Variants in ANKRD62 observed in about 807,000 individuals in gnomAD.
ANKRD62 encodes ankyrin repeat domain-containing protein 62.
A neutral mutation model predicts 98.8 loss-of-function variants in ANKRD62; 61 were observed. That is an observed-to-expected ratio of 0.62 (90% CI 0.50 to 0.76). ANKRD62 has a LOEUF of 0.76. Among genes scored for constraint, ANKRD62 ranks in the 30% least tolerant of loss-of-function variants. The pLI is 0.00. For missense variants in ANKRD62, 933 were observed against 1,082.9 expected (o/e 0.86, Z 1.94); for synonymous variants, 341 against 367.9 (o/e 0.93, Z 0.84).
chr18:12,111,606 G>A (rs529009474), intron 8 of ANKRD62, among the ~76,000 whole-genome samples: 1 of 152,270 alleles, frequency 6.6e-6, no homozygotes, highest in Admixed American at 6.5e-5. Flanking sequence ...TAGGAAGAGA[G>A]GAAGTCAAAC....
the ANKRD62 span, among the ~76,000 whole-genome samples, chr18:12,162,827 G>C: frequency 6.6e-6 from 1 of 151,978 alleles, no homozygotes; most frequent in African/African-American, 2.4e-5. Flanking sequence ...GTTTACTGTA[G>C]GTGTGTAGAT....
At chr18:12,109,063 T>G (rs1025098955) in intron 8 of ANKRD62, among the ~76,000 whole-genome samples, 6 of 152,200 alleles carry the variant, frequency 3.9e-5, no homozygotes, top group African/African-American at 1.4e-4. Flanking sequence ...GATCTACCTT[T>G]CTGGGGTCTG....
At chr18:12,123,124 C>T (rs1196771758) in intron 11 of ANKRD62, among the ~76,000 whole-genome samples, 3 of 152,172 alleles carry the variant, frequency 2.0e-5, no homozygotes, top group Non-Finnish European at 4.4e-5. Context: ...TCTCGGCTCA[C>T]TGCAGCCTCT....
In ANKRD62 at chr18:12,107,470, A is replaced by G; in HGVS notation, c.1064+3A>G. On this transcript the variant is annotated splice_donor_region_variant and intron_variant, in intron 8 of 13. Transcript: ENST00000587848. ...AAGGAGAATGGCGAGTTTGATAGGTAATCCTGTAGCGATAGTTAACAGCGG... is the reference window on the plus strand; with the variant it reads ...AAGGAGAATGGCGAGTTTGATAGGTGATCCTGTAGCGATAGTTAACAGCGG... 1 of 1,488,712 alleles carries G rather than the reference A, an allele frequency of 6.7e-7. No homozygotes were observed. Among genetic ancestry groups the G allele is most frequent in the Non-Finnish European group, 8.9e-7 (1 of 1,125,002 alleles). The allele number at this position is 1,488,712 out of a possible 1,614,324, so 92.2% of individuals were successfully genotyped here.
intron 5 of ANKRD62, among the ~76,000 whole-genome samples, chr18:12,098,238 C>G (rs1317994919): frequency 6.6e-6 from 1 of 152,172 alleles, no homozygotes; most frequent in Non-Finnish European, 1.5e-5. Flanking sequence ...CTCGAGTGAT[C>G]TGTTTTCCAT....
chr18:12,158,619 G>A, the ANKRD62 span, among the ~76,000 whole-genome samples: 4 of 151,650 alleles, frequency 2.6e-5, no homozygotes, highest in East Asian at 1.9e-4. Context: ...TCTGCCTCCC[G>A]GGTTCACGCC....
At chr18:12,100,529 T>C (rs4461146) in intron 6 of ANKRD62, among the ~76,000 whole-genome samples, 114,558 of 152,050 alleles carry the variant, frequency 0.75, 44,564 homozygotes, top group Middle Eastern at 0.92. Flanking sequence ...TTGTGTCACT[T>C]AAAAAGTAAC....
At chr18:12,101,590 A>C (rs1568058971) in intron 6 of ANKRD62, among the ~76,000 whole-genome samples, 2 of 152,230 alleles carry the variant, frequency 1.3e-5, no homozygotes, top group Admixed American at 1.3e-4. Flanking sequence ...CGATGTTTTT[A>C]TTCATGAATT....
At chr18:12,136,718 G>C in the ANKRD62 span, among the ~76,000 whole-genome samples, 7 of 152,046 alleles carry the variant, frequency 4.6e-5, no homozygotes, top group Admixed American at 6.6e-5. Flanking sequence ...CTTTTATTTC[G>C]TTGAGCAGTG....
chr18:12,103,560 T>C (rs1909353020), intron 7 of ANKRD62, among the ~76,000 whole-genome samples: 1 of 152,156 alleles, frequency 6.6e-6, no homozygotes, highest in Non-Finnish European at 1.5e-5. Context: ...TGGTGGCTGC[T>C]GATTTGGATT....
At chr18:12,122,544 T>C in intron 11 of ANKRD62, 28 bp downstream of exon 11, 3 of 1,481,536 alleles carry the variant, frequency 2.0e-6, no homozygotes, top group Non-Finnish European at 2.7e-6. Flanking sequence ...TAAAGAAATA[T>C]TTCAACTATT....
At chr18:12,151,590 C>T in the ANKRD62 span, among the ~76,000 whole-genome samples, 1 of 152,068 alleles carries the variant, frequency 6.6e-6, no homozygotes, top group African/African-American at 2.4e-5. Flanking sequence ...TCTTGAACCA[C>T]AACACAATAA....
chr18:12,103,849 A>G (rs1010435858), intron 7 of ANKRD62, among the ~76,000 whole-genome samples: 2 of 152,112 alleles, frequency 1.3e-5, no homozygotes, highest in Non-Finnish European at 2.9e-5. Flanking sequence ...TTTAAAATCA[A>G]CTGTCATTTG....
At chr18:12,119,063 T>TTTA (rs1403873607) in intron 10 of ANKRD62, among the ~76,000 whole-genome samples, 2 of 152,206 alleles carry the variant, frequency 1.3e-5, no homozygotes, top group Admixed American at 6.5e-5. Context: ...AAGTTTATTT[T>TTTA]TTATATTTAG....
intron 7 of ANKRD62, among the ~76,000 whole-genome samples, chr18:12,104,293 G>A (rs1025466666): frequency 5.9e-5 from 9 of 151,952 alleles, no homozygotes; most frequent in East Asian, 3.9e-4. Context: ...TTTGGGATTA[G>A]GTAAACATAG....
chr18:12,129,073 A>G lies in ANKRD62; in HGVS notation c.*1134A>G, dbSNP rs1158486295. 6.6e-6 allele frequency: 1 copy of G among 152,188 alleles called. No individual in the cohort carries two copies. The highest frequency in any genetic ancestry group is 1.5e-5 in the Non-Finnish European group (1 of 68,032). The allele number at this position is 152,188 out of a possible 1,614,324, so 9.4% of individuals were successfully genotyped here. On this transcript the variant is annotated 3_prime_UTR_variant, in exon 14 of 14. Transcript: ENST00000587848. ...CTGAGCAAGACTCCGTCTTAAAAAA[A>G]AAAAAGTGCAAGTTTTCTTGCTACA...
intron 8 of ANKRD62, 44 bp downstream of exon 8, chr18:12,107,511 A>C (rs561242321): frequency 1.5e-6 from 2 of 1,309,196 alleles, no homozygotes; most frequent in Admixed American, 7.0e-5. Context: ...TGTTAATTGT[A>C]CTATAAAATG....
downstream of ANKRD62, among the ~76,000 whole-genome samples, chr18:12,133,189 G>A (rs557067303): frequency 6.7e-4 from 102 of 152,072 alleles, no homozygotes; most frequent in African/African-American, 2.3e-3. Context: ...TTTGTGTCTG[G>A]GTTATTTCAC....
the ANKRD62 span, among the ~76,000 whole-genome samples, chr18:12,146,475 T>C: frequency 6.6e-6 from 1 of 152,154 alleles, no homozygotes; most frequent in African/African-American, 2.4e-5. Flanking sequence ...AGATAGAATC[T>C]CCTTCTGTTT....
Sources: gnomAD v4.1 joint callset for allele counts (sites outside exome capture counted in the v4.1 genomes callset) on GRCh38, gnomAD v4.1.1 for gene constraint, MANE v1.5 for transcripts, NCBI Gene and HGNC (gene_info 2026-07-23, HGNC 2026-07-21) for gene names.